The following PEBP4 variants were observed in gnomAD, a reference collection of about 807,000 sequenced individuals.
The protein encoded by PEBP4 is phosphatidylethanolamine binding protein 4.
In PEBP4, 22 loss-of-function variants were observed where a neutral mutation model predicts 23.9. The observed-to-expected ratio is 0.92, with a 90% CI of 0.66 to 1.31. The LOEUF is 1.31. Among genes scored for constraint, PEBP4 ranks in the 40% most tolerant of loss-of-function variants. The pLI is 0.00. For synonymous variants in PEBP4, 112 were observed against 99.3 expected, an observed-to-expected ratio of 1.13 and a Z score of -0.76; for missense variants, 324 against 281.7, an observed-to-expected ratio of 1.15 and a Z score of -1.07.
chr8:22,744,708 C>T (rs935873787), intron 4 of PEBP4: 2 of 152,308 alleles, frequency 1.3e-5, no homozygotes, highest in African/African-American at 2.4e-5. Flanking sequence ...CTCCTACATC[C>T]TTGGATGGGG....
At chr8:22,777,980 C>A (rs770080213) in intron 4 of PEBP4, among the ~76,000 whole-genome samples, 7 of 152,164 alleles carry the variant, frequency 4.6e-5, no homozygotes, top group African/African-American at 1.7e-4. Flanking sequence ...CTTTTCCCAC[C>A]ACCAGCCCCT....
intron 3 of PEBP4, among the ~76,000 whole-genome samples, chr8:22,902,126 C>T (rs899952142): frequency 6.6e-6 from 1 of 152,038 alleles, no homozygotes. Flanking sequence ...TGAGACCAGC[C>T]TTACCAACAT....
At chr8:22,853,022 T>C (rs1327927943) in intron 3 of PEBP4, among the ~76,000 whole-genome samples, 1 of 152,152 alleles carries the variant, frequency 6.6e-6, no homozygotes, top group African/African-American at 2.4e-5. Context: ...GCGAAGCGCT[T>C]TCATTACTGG....
intron 3 of PEBP4, among the ~76,000 whole-genome samples, chr8:22,844,321 C>T (rs574829824): frequency 5.8e-4 from 89 of 152,302 alleles, no homozygotes; most frequent in African/African-American, 2.1e-3. Flanking sequence ...CTCACCGCAA[C>T]CTCTGCCTCC....
intron 3 of PEBP4, among the ~76,000 whole-genome samples, chr8:22,908,392 A>C (rs1202189213): frequency 1.4e-5 from 2 of 143,470 alleles, no homozygotes; most frequent in African/African-American, 2.5e-5. Flanking sequence ...AAACAAACAA[A>C]CAAAAAAAAA....
intron 6 of PEBP4, among the ~76,000 whole-genome samples, chr8:22,717,091 G>A (rs545326122): frequency 9.2e-5 from 14 of 152,298 alleles, no homozygotes; most frequent in African/African-American, 3.4e-4. Flanking sequence ...CTGGGGTGCA[G>A]TGGCACTATC....
intron 6 of PEBP4, among the ~76,000 whole-genome samples, chr8:22,722,778 T>G (rs369176316): frequency 6.7e-5 from 10 of 149,798 alleles, no homozygotes; most frequent in South Asian, 2.1e-4. Context: ...CCATTTTTTT[T>G]TTTTTGTTTT....
At chr8:22,727,276 C>G in intron 4 of PEBP4, 56 bp from the exon 5 acceptor site, 2 of 1,570,038 alleles carry the variant, frequency 1.3e-6, no homozygotes. Flanking sequence ...CTTCAGGCCA[C>G]GTGGGCTCTG....
At chr8:22,826,222 A>T (rs914867319) in intron 3 of PEBP4, among the ~76,000 whole-genome samples, 1 of 152,144 alleles carries the variant, frequency 6.6e-6, no homozygotes, top group Non-Finnish European at 1.5e-5. Context: ...AATAAACTAA[A>T]CCCACTTGAA....
At chr8:22,811,245 G>A (rs561368682) in intron 4 of PEBP4, among the ~76,000 whole-genome samples, 1 of 152,242 alleles carries the variant, frequency 6.6e-6, no homozygotes, top group African/African-American at 2.4e-5. Context: ...TGCTGCATTA[G>A]TCTAAGGGCT....
At chr8:22,807,417 T>G (rs1184128761) in intron 4 of PEBP4, among the ~76,000 whole-genome samples, 1 of 152,124 alleles carries the variant, frequency 6.6e-6, no homozygotes, top group African/African-American at 2.4e-5. Context: ...GTTCTTCAAG[T>G]AGGAAAGCAA....
At chr8:22,721,635 C>G (rs1396026971) in intron 6 of PEBP4, among the ~76,000 whole-genome samples, 2 of 152,124 alleles carry the variant, frequency 1.3e-5, no homozygotes, top group East Asian at 1.9e-4. Flanking sequence ...CCTTTCCCCT[C>G]GAGTCTCTAG....
At chr8:22,840,189 C>T (rs187520125) in intron 3 of PEBP4, among the ~76,000 whole-genome samples, 129 of 152,196 alleles carry the variant, frequency 8.5e-4, no homozygotes, top group Non-Finnish European at 1.5e-3. Context: ...GTTCAGGTTT[C>T]GGATAGATTT....
intron 1 of PEBP4, among the ~76,000 whole-genome samples, chr8:22,939,904 A>G (rs1809586154): frequency 6.6e-6 from 1 of 152,212 alleles, no homozygotes; most frequent in African/African-American, 2.4e-5. Context: ...TGGTCTCAGC[A>G]ATCAACAGTT....
Position 22,713,311 on chromosome 8 carries a change from T to C in PEBP4, c.*59A>G, listed in dbSNP as rs1804343627. Reference sequence around the variant, plus strand: ...GGTTCTGTATCCAGAGGGGGTTCCATACCCACATCGTCGGTGGTGGGCAGT... The same window carrying C: ...GGTTCTGTATCCAGAGGGGGTTCCACACCCACATCGTCGGTGGTGGGCAGT... On this transcript the variant is annotated 3_prime_UTR_variant, in exon 7 of 7. Coordinates refer to ENST00000256404, the MANE Select transcript of PEBP4 (RefSeq NM_144962.3). The C allele has an allele frequency of 5.3e-6, 8 of 1,516,384 alleles. No homozygotes were observed. The East Asian group carries it at 1.8e-4, about 35-fold the overall frequency. 93.9% of individuals were successfully genotyped at this position (1,516,384 alleles called of 1,614,324 possible).
rs1372767585 is a variant in PEBP4, at chr8:22,713,622, C to T, written c.518-86G>A. 6.3e-6 allele frequency: 10 copies of T among 1,579,042 alleles called. No homozygotes were observed. The Admixed American group carries it at 1.0e-4, about 16-fold the overall frequency. On this transcript the variant is annotated intron_variant, in intron 6 of 6. Transcript: ENST00000256404. ...CAGGGGCCTGAGAGGGAGGCCGGCT[C>T]GTGGGAGCCGAGGCAGCAGGTGATG...
chr8:22,798,737 T>TC (rs1806319793), intron 4 of PEBP4: 1 of 119,700 alleles, frequency 8.4e-6, no homozygotes, highest in East Asian at 2.1e-4. Context: ...TCTTTTTTTT[T>TC]TTTTTTTTTT....
chr8:22,860,169 T>TAC (rs1807740015), intron 3 of PEBP4, among the ~76,000 whole-genome samples: 1 of 91,852 alleles, frequency 1.1e-5, no homozygotes, highest in South Asian at 2.9e-4. Flanking sequence ...CATATATATG[T>TAC]ATATATATAT....
intron 4 of PEBP4, among the ~76,000 whole-genome samples, chr8:22,751,642 G>C (rs1805267737): frequency 6.8e-6 from 1 of 147,150 alleles, no homozygotes. Context: ...GTGTGTGTGT[G>C]TGTGTGTGTG....
Sources: gnomAD v4.1 joint callset for allele counts (sites outside exome capture counted in the v4.1 genomes callset) on GRCh38, gnomAD v4.1.1 for gene constraint, MANE v1.5 for transcripts, NCBI Gene and HGNC (gene_info 2026-07-23, HGNC 2026-07-21) for gene names.